DOCK2: variants seen among roughly 807,000 people sequenced by gnomAD.
DOCK2 encodes dedicator of cytokinesis 2.
In DOCK2, 87 loss-of-function variants were observed where a neutral mutation model predicts 248.9. The ratio of observed to expected loss-of-function variants is 0.35; its 90% CI spans 0.29 to 0.42. DOCK2 has a LOEUF of 0.42. DOCK2 is among the 10% of genes least tolerant of loss of function. The pLI, the probability that DOCK2 is intolerant of heterozygous loss-of-function variation, is 1.00. For missense variants in DOCK2, 1,747 were observed against 2,300.2 expected (o/e 0.76, Z 4.92); for synonymous variants, 805 against 821.6 (o/e 0.98, Z 0.35).
At chr5:169,639,924 A>G (rs1456048424) in intron 1 of DOCK2, among the ~76,000 whole-genome samples, 2 of 152,220 alleles carry the variant, frequency 1.3e-5, no homozygotes, top group Admixed American at 6.5e-5. Flanking sequence ...ATTTTCTCAC[A>G]GTTCTCGAGG....
intron 27 of DOCK2, among the ~76,000 whole-genome samples, chr5:169,936,069 A>ATT (rs1276448324): frequency 6.6e-6 from 1 of 152,156 alleles, no homozygotes; most frequent in Non-Finnish European, 1.5e-5. Context: ...TTTCCTAAGT[A>ATT]TTTTTGCCAA....
chr5:169,734,531 T>C (rs1762939481), intron 22 of DOCK2, among the ~76,000 whole-genome samples: 1 of 152,214 alleles, frequency 6.6e-6, no homozygotes, highest in Non-Finnish European at 1.5e-5. Flanking sequence ...TTTCCTTCTT[T>C]CATTCACCTG....
chr5:169,856,520 G>C (rs910434278), intron 27 of DOCK2, among the ~76,000 whole-genome samples: 11 of 152,200 alleles, frequency 7.2e-5, no homozygotes, highest in African/African-American at 1.4e-4. Context: ...TCAGCAGCCT[G>C]AGTTTATGAG....
At chr5:170,069,281 A>G in intron 46 of DOCK2, 61 bp downstream of exon 46, 1 of 1,564,258 alleles carries the variant, frequency 6.4e-7, no homozygotes, top group Non-Finnish European at 8.8e-7. Context: ...ACCGTGGTTC[A>G]CTTGCCCCAC....
intron 26 of DOCK2, among the ~76,000 whole-genome samples, chr5:169,837,450 C>T (rs139334019): frequency 1.3e-5 from 2 of 152,218 alleles, no homozygotes; most frequent in East Asian, 3.9e-4. Flanking sequence ...TTAGATATCA[C>T]CCAGAGTTTA....
At chr5:169,702,836 G>T (rs773072947) in intron 14 of DOCK2, among the ~76,000 whole-genome samples, 18 of 152,076 alleles carry the variant, frequency 1.2e-4, no homozygotes, top group Non-Finnish European at 2.4e-4. Flanking sequence ...AGTGCCTTGG[G>T]CTGGTGTGGA....
At chr5:169,652,911 C>G (rs1757884556) in intron 1 of DOCK2, among the ~76,000 whole-genome samples, 2 of 152,134 alleles carry the variant, frequency 1.3e-5, no homozygotes, top group Admixed American at 1.3e-4. Context: ...TATTTAGACC[C>G]TGGTCACTTA....
intron 6 of DOCK2, among the ~76,000 whole-genome samples, chr5:169,678,552 C>T (rs114363291): frequency 0.011 from 1,688 of 152,240 alleles, 37 homozygotes; most frequent in African/African-American, 0.038. Context: ...CATAAGCCAC[C>T]GAGCCTGGCC....
intron 14 of DOCK2, among the ~76,000 whole-genome samples, chr5:169,704,938 G>C (rs1289239832): frequency 6.6e-6 from 1 of 152,154 alleles, no homozygotes; most frequent in Non-Finnish European, 1.5e-5. Context: ...AAGGGGGGCA[G>C]ATCACTTGAG....
At chr5:169,979,063 CTAGG>C (rs1418492335) in intron 27 of DOCK2, among the ~76,000 whole-genome samples, 1 of 152,128 alleles carries the variant, frequency 6.6e-6, no homozygotes, top group Non-Finnish European at 1.5e-5. Context: ...TGCCTCATTC[CTAGG>C]TAGTAAATAT....
intron 25 of DOCK2, among the ~76,000 whole-genome samples, chr5:169,801,559 G>T (rs561415907): frequency 1.3e-5 from 2 of 152,224 alleles, no homozygotes; most frequent in Non-Finnish European, 2.9e-5. Flanking sequence ...CATTATGAAC[G>T]TTCCCTCAAG....
chr5:169,911,469 G>A (rs1370962384), intron 27 of DOCK2, among the ~76,000 whole-genome samples: 2 of 152,138 alleles, frequency 1.3e-5, no homozygotes, highest in African/African-American at 2.4e-5. Context: ...TCCAGACTGG[G>A]GATGTTTAAT....
In DOCK2 at chr5:170,081,843, C is replaced by T; in HGVS notation, c.5289C>T (p.Ala1763=). 2 of 1,612,382 alleles carry T rather than the reference C, an allele frequency of 1.2e-6. No individual in the cohort carries two copies. Among genetic ancestry groups the T allele is most frequent in the African/African-American group, 1.3e-5 (1 of 74,874 alleles). Residue 1763 remains alanine, a splice_region_variant and synonymous_variant, in exon 51 of 52, where the codon GCC becomes GCT. Coordinates refer to ENST00000520908, the MANE Select transcript of DOCK2 (RefSeq NM_004946.3). ...FASQSMPTIP[A]LALSVAGIPG... is the part of the protein sequence containing the mutation. ...ACCCCAGCTCTGCTCTCCTTCCAGC[C>T]CTGGCGCTCTCAGTGGCAGGCATCC...
At chr5:170,035,864 G>A (rs1194074075) in intron 35 of DOCK2, among the ~76,000 whole-genome samples, 3 of 152,056 alleles carry the variant, frequency 2.0e-5, no homozygotes, top group Non-Finnish European at 4.4e-5. Context: ...CTCATGGATT[G>A]GACCAGGACC....
At chr5:169,680,934 T>C (rs978480620) in intron 6 of DOCK2, among the ~76,000 whole-genome samples, 2 of 152,052 alleles carry the variant, frequency 1.3e-5, no homozygotes, top group Admixed American at 1.3e-4. Flanking sequence ...TGTTTTATTG[T>C]TATTTATTTA....
At chr5:169,896,093 G>T (rs1450123897) in intron 27 of DOCK2, among the ~76,000 whole-genome samples, 2 of 152,068 alleles carry the variant, frequency 1.3e-5, no homozygotes, top group African/African-American at 2.4e-5. Flanking sequence ...AGCCTGATTG[G>T]CTGCACTGGG....
At chr5:170,046,023 T>A in intron 39 of DOCK2, 118 bp downstream of exon 39, 1 of 890,372 alleles carries the variant, frequency 1.1e-6, no homozygotes, top group South Asian at 1.4e-5. Flanking sequence ...AAATAGAAAA[T>A]GAACGGAAGT....
At position 169,764,809 on chromosome 5, in the gene DOCK2, GTTGGTACATGCTCTCCA is replaced by G. The variant is rs1379351485; in HGVS notation, c.2554+3187_2554+3203del. ...GGACCTAATGAATAAAAGGGCCTTGGTTGGTACATGCTCTCCATTCTGACTTTGAACGTGTTTGTTGT... is the reference window on the plus strand; with the variant it reads ...GGACCTAATGAATAAAAGGGCCTTGGTTCTGACTTTGAACGTGTTTGTTGT... On this transcript the variant is annotated intron_variant, in intron 25 of 51. Transcript: ENST00000520908. The surrounding 1 kb of genome is among the most constrained non-coding windows in gnomAD (Gnocchi z 4.3). 1.3e-5 allele frequency among the ~76,000 whole-genome samples: 2 copies of G among 151,804 alleles called. No homozygotes were observed. Among genetic ancestry groups the G allele is most frequent in the African/African-American group, 4.9e-5 (2 of 41,148 alleles).
intron 25 of DOCK2, among the ~76,000 whole-genome samples, 170 bp from the exon 26 acceptor site, chr5:169,802,888 T>C (rs1463971396): frequency 1.3e-5 from 2 of 152,216 alleles, no homozygotes; most frequent in African/African-American, 4.8e-5. Flanking sequence ...GGGACTAGAA[T>C]TGTGAATGAT....
Sources: allele counts gnomAD v4.1 joint callset (sites outside exome capture counted in the v4.1 genomes callset), GRCh38; gene constraint gnomAD v4.1.1; non-coding constraint Gnocchi (gnomAD v3.1); transcripts MANE v1.5; gene names NCBI Gene and HGNC (gene_info 2026-07-23, HGNC 2026-07-21).